Variants in KCNJ3 observed in about 807,000 individuals in gnomAD.
KCNJ3 encodes G protein-activated inward rectifier potassium channel 1.
KCNJ3 carries 4 observed loss-of-function variants against 39.2 expected under a neutral mutation model. That is an observed-to-expected ratio of 0.10 (90% CI 0.05 to 0.23). The LOEUF (loss-of-function observed/expected upper bound fraction) is 0.23, where lower values mean the gene tolerates loss of function less well. KCNJ3 is among the 10% of genes least tolerant of loss of function. KCNJ3 has a pLI of 1.00. For missense variants in KCNJ3, 276 were observed against 634.9 expected, an observed-to-expected ratio of 0.43 and a Z score of 6.08; for synonymous variants, 230 against 237.4, an observed-to-expected ratio of 0.97 and a Z score of 0.29.
intron 2 of KCNJ3, among the ~76,000 whole-genome samples, chr2:154,780,799 A>C (rs947755879): frequency 3.3e-5 from 5 of 152,210 alleles, no homozygotes; most frequent in Non-Finnish European, 5.9e-5. Flanking sequence ...AGAAATTGAC[A>C]TGAATAATTT....
intron 2 of KCNJ3, among the ~76,000 whole-genome samples, chr2:154,797,059 A>G (rs1348436460): frequency 6.6e-6 from 1 of 152,136 alleles, no homozygotes; most frequent in Non-Finnish European, 1.5e-5. Context: ...CTCAAATTAG[A>G]TGTTAAGATT....
chr2:154,741,525 T>G (rs1016267035), intron 2 of KCNJ3, among the ~76,000 whole-genome samples: 2 of 151,866 alleles, frequency 1.3e-5, no homozygotes, highest in Admixed American at 6.6e-5. Flanking sequence ...CAGAATCAAA[T>G]GTTTTATTGT....
intron 1 of KCNJ3, among the ~76,000 whole-genome samples, chr2:154,700,684 C>T (rs1322877700): frequency 6.6e-6 from 1 of 152,044 alleles, no homozygotes; most frequent in African/African-American, 2.4e-5. Flanking sequence ...TTTACACAGC[C>T]CCAACTTAAT....
At chr2:154,783,644 G>A (rs1221732828) in intron 2 of KCNJ3, among the ~76,000 whole-genome samples, 1 of 152,098 alleles carries the variant, frequency 6.6e-6, no homozygotes, top group Non-Finnish European at 1.5e-5. Flanking sequence ...CCCATTTTAT[G>A]GAAGAGAAAC....
At chr2:154,784,096 A>T (rs552158232) in intron 2 of KCNJ3, among the ~76,000 whole-genome samples, 1 of 152,230 alleles carries the variant, frequency 6.6e-6, no homozygotes, top group African/African-American at 2.4e-5. Context: ...TGCTTTAATG[A>T]TACGTCAACA....
chr2:154,756,039 A>G (rs1402006509), intron 2 of KCNJ3, among the ~76,000 whole-genome samples: 2 of 152,144 alleles, frequency 1.3e-5, no homozygotes, highest in East Asian at 1.9e-4. Context: ...TTTTACTTTC[A>G]GTCTTCAGCA....
intron 2 of KCNJ3, among the ~76,000 whole-genome samples, chr2:154,793,056 C>T (rs769742305): frequency 1.3e-5 from 2 of 151,984 alleles, no homozygotes; most frequent in Non-Finnish European, 2.9e-5. Context: ...TAAATTTAGG[C>T]CACAGGCTGA....
At chr2:154,734,008 G>A (rs1289842471) in intron 2 of KCNJ3, among the ~76,000 whole-genome samples, 6 of 152,104 alleles carry the variant, frequency 3.9e-5, no homozygotes, top group Non-Finnish European at 8.8e-5. Flanking sequence ...TATTACGTTT[G>A]CAAATTTTAC....
intron 2 of KCNJ3, among the ~76,000 whole-genome samples, chr2:154,807,469 A>G (rs1258646165): frequency 6.6e-6 from 1 of 152,188 alleles, no homozygotes; most frequent in African/African-American, 2.4e-5. Flanking sequence ...TGTAAACCTT[A>G]AGGTCTCCAA....
chr2:154,809,098 A>G (rs1686964573), intron 2 of KCNJ3, among the ~76,000 whole-genome samples: 2 of 152,092 alleles, frequency 1.3e-5, no homozygotes, highest in South Asian at 4.1e-4. Flanking sequence ...GAATAGTAAC[A>G]GTTTTCCTGA....
At chr2:154,766,008 G>A (rs1306830566) in intron 2 of KCNJ3, among the ~76,000 whole-genome samples, 1 of 152,122 alleles carries the variant, frequency 6.6e-6, no homozygotes, top group East Asian at 1.9e-4. Flanking sequence ...GTAAGTAACC[G>A]TGGTTACTAA....
intron 1 of KCNJ3, among the ~76,000 whole-genome samples, chr2:154,703,686 C>T (rs1558850709): frequency 6.6e-6 from 1 of 152,024 alleles, no homozygotes. Flanking sequence ...GCAGTTTTCT[C>T]ATATATTTAT....
Position 154,714,620 on chromosome 2 carries a change from C to T in KCNJ3, c.919+4801C>T, listed in dbSNP as rs1177760864. ...TGTCAGTATTTTAATTCAAAGTCAC[C>T]TTGTCCAAATACCAAGTCATCAACT... On this transcript the variant is annotated intron_variant, in intron 2 of 2. Coordinates refer to ENST00000295101, the MANE Select transcript of KCNJ3 (RefSeq NM_002239.4). Among the ~76,000 whole-genome samples, 3 of 152,250 alleles carry T rather than the reference C, an allele frequency of 2.0e-5. No individual in the cohort carries two copies. In the East Asian group the frequency reaches 5.8e-4, roughly 29 times the overall value.
In KCNJ3 at chr2:154,770,659, G is replaced by A. The variant is rs116409121; in HGVS notation, c.919+60840G>A. 3.4e-3 allele frequency among the ~76,000 whole-genome samples: 511 copies of A among 152,050 alleles called. 3 individuals carry two copies. The highest frequency in any genetic ancestry group is 0.012 in the African/African-American group (499 of 41,520). ...GAATTTTGAGAAGTACTTAAGAATA[G>A]GTTAGGAATCATAGGGATCCATAAA... On this transcript the variant is annotated intron_variant, in intron 2 of 2. Transcript: ENST00000295101.
chr2:154,827,896 C>G (rs1415484098), intron 2 of KCNJ3, among the ~76,000 whole-genome samples: 5 of 152,134 alleles, frequency 3.3e-5, no homozygotes, highest in African/African-American at 1.2e-4. Context: ...CTTAACAATT[C>G]TAATGATCAA....
intron 2 of KCNJ3, among the ~76,000 whole-genome samples, chr2:154,714,151 A>G (rs1685145684): frequency 6.6e-6 from 1 of 152,036 alleles, no homozygotes; most frequent in African/African-American, 2.4e-5. Flanking sequence ...ATTGCTTTCC[A>G]CCACCTATGA....
intron 1 of KCNJ3, among the ~76,000 whole-genome samples, chr2:154,705,456 G>A (rs1481809374): frequency 6.6e-6 from 1 of 152,088 alleles, no homozygotes; most frequent in Non-Finnish European, 1.5e-5. Flanking sequence ...AGGCACCTGT[G>A]ACTTTTGATT....
chr2:154,769,514 G>C (rs964979984), intron 2 of KCNJ3, among the ~76,000 whole-genome samples: 1 of 152,156 alleles, frequency 6.6e-6, no homozygotes, highest in Non-Finnish European at 1.5e-5. Context: ...TGTTGCACCA[G>C]CCTTACATCC....
chr2:154,717,421 T>C (rs182638731), intron 2 of KCNJ3, among the ~76,000 whole-genome samples: 1 of 152,280 alleles, frequency 6.6e-6, no homozygotes, highest in African/African-American at 2.4e-5. Context: ...CGGCTGAGAC[T>C]GGAGACAGCC....
Sources: allele counts gnomAD v4.1 joint callset (sites outside exome capture counted in the v4.1 genomes callset), GRCh38; gene constraint gnomAD v4.1.1; transcripts MANE v1.5; gene names NCBI Gene and HGNC (gene_info 2026-07-23, HGNC 2026-07-21).